The following CADM2 variants were observed in gnomAD, a reference collection of about 807,000 sequenced individuals.
CADM2 encodes immunoglobulin superfamily member 4D.
A neutral mutation model predicts 49.8 loss-of-function variants in CADM2; 12 were observed. That is an observed-to-expected ratio of 0.24 (90% confidence interval 0.15 to 0.39). The LOEUF (loss-of-function observed/expected upper bound fraction) is 0.39, where lower values mean the gene tolerates loss of function less well. Among genes scored for constraint, CADM2 ranks in the 10% least tolerant of loss-of-function variants. The pLI is 1.00. For missense variants in CADM2, 378 were observed against 492.3 expected (o/e 0.77, Z 2.20); for synonymous variants, 214 against 175.4 (o/e 1.22, Z -1.74).
chr3:85,687,545 A>T (rs1290183462), intron 1 of CADM2, among the ~76,000 whole-genome samples: 1 of 152,198 alleles, frequency 6.6e-6, no homozygotes, highest in Non-Finnish European at 1.5e-5. Flanking sequence ...AAAATAAAAG[A>T]CATTAGGAAT....
At chr3:85,156,712 A>G (rs1286332410) in intron 1 of CADM2, among the ~76,000 whole-genome samples, 1 of 152,226 alleles carries the variant, frequency 6.6e-6, no homozygotes, top group Non-Finnish European at 1.5e-5. Flanking sequence ...GCTATCTATG[A>G]CAAACCCACA....
chr3:85,657,759 CAG>C (rs1260280325), intron 1 of CADM2, among the ~76,000 whole-genome samples: 1 of 98,362 alleles, frequency 1.0e-5, no homozygotes, highest in African/African-American at 3.5e-5. Flanking sequence ...TATATATACA[CAG>C]ATATATATAT....
At chr3:85,114,879 G>T (rs1468648161) in intron 1 of CADM2, among the ~76,000 whole-genome samples, 1 of 152,052 alleles carries the variant, frequency 6.6e-6, no homozygotes, top group East Asian at 1.9e-4. Flanking sequence ...TAAAGGGAAA[G>T]GATTAAGGGA....
chr3:86,017,616 C>G (rs539502867), intron 8 of CADM2, among the ~76,000 whole-genome samples: 3 of 151,430 alleles, frequency 2.0e-5, no homozygotes, highest in Non-Finnish European at 4.4e-5. Context: ...GTAGTCTCAG[C>G]TCTTCAGGAA....
chr3:85,895,838 G>A (rs969956128), intron 5 of CADM2, among the ~76,000 whole-genome samples: 1 of 152,116 alleles, frequency 6.6e-6, no homozygotes, highest in African/African-American at 2.4e-5. Flanking sequence ...CTGCCATGAG[G>A]CCTCCCCAGC....
intron 1 of CADM2, among the ~76,000 whole-genome samples, chr3:85,027,999 A>G (rs894593695): frequency 6.6e-6 from 1 of 152,082 alleles, no homozygotes; most frequent in Non-Finnish European, 1.5e-5. Context: ...TCATTTTGCT[A>G]TTACACTATT....
At chr3:85,099,298 A>G (rs1297292735) in intron 1 of CADM2, among the ~76,000 whole-genome samples, 1 of 152,166 alleles carries the variant, frequency 6.6e-6, no homozygotes. Flanking sequence ...CTCAAAGTCC[A>G]ATAACATAAC....
intron 2 of CADM2, among the ~76,000 whole-genome samples, chr3:85,750,606 TA>T (rs1420387246): frequency 6.6e-6 from 1 of 152,132 alleles, no homozygotes; most frequent in Non-Finnish European, 1.5e-5. Context: ...AATATTTTAT[TA>T]TTTCCCTTTC....
intron 1 of CADM2, among the ~76,000 whole-genome samples, chr3:85,533,191 G>T (rs1373616671): frequency 2.0e-5 from 3 of 152,134 alleles, no homozygotes; most frequent in Non-Finnish European, 4.4e-5. Flanking sequence ...CACTGAAGCT[G>T]GTTCTTTGTG....
At chr3:85,383,503 C>CCTAT (rs2034018505) in intron 1 of CADM2, among the ~76,000 whole-genome samples, 1 of 109,248 alleles carries the variant, frequency 9.2e-6, no homozygotes, top group Non-Finnish European at 1.9e-5. Flanking sequence ...TACATAAAAC[C>CCTAT]ATATATATAT....
chr3:85,414,106 AC>A (rs1288671921), intron 1 of CADM2, among the ~76,000 whole-genome samples: 4 of 151,798 alleles, frequency 2.6e-5, no homozygotes, highest in Non-Finnish European at 5.9e-5. Flanking sequence ...CTTGTAATCC[AC>A]CCGCCTCAGT....
rs377641492 is a variant in CADM2, at chr3:85,428,049, G to A, written c.62-298473G>A. 6.7e-4 allele frequency among the ~76,000 whole-genome samples: 101 copies of A among 151,856 alleles called. 1 individual carries two copies. The highest frequency in any genetic ancestry group is 2.3e-3 in the African/African-American group (96 of 41,488). On this transcript the variant is annotated intron_variant, in intron 1 of 9. Transcript: ENST00000383699. Reference sequence around the variant, plus strand: ...TTATTCCTCTTGTTATTCTCTTAGTGCTGTTCCATAAATGACTACTAAGTC... The same window carrying A: ...TTATTCCTCTTGTTATTCTCTTAGTACTGTTCCATAAATGACTACTAAGTC...
intron 1 of CADM2, among the ~76,000 whole-genome samples, chr3:85,334,006 C>T (rs1377132690): frequency 1.3e-5 from 2 of 151,478 alleles, no homozygotes; most frequent in African/African-American, 4.8e-5. Flanking sequence ...AAAATTTGAC[C>T]TTTATTTCCC....
At chr3:85,160,219 A>G (rs1011282923) in intron 1 of CADM2, among the ~76,000 whole-genome samples, 1 of 152,162 alleles carries the variant, frequency 6.6e-6, no homozygotes, top group Non-Finnish European at 1.5e-5. Flanking sequence ...CTGTTGTCAA[A>G]TACATCAACC....
intron 2 of CADM2, among the ~76,000 whole-genome samples, chr3:85,769,148 CATATAT>C (rs1416256704): frequency 0.034 from 2,240 of 66,844 alleles, 268 homozygotes; most frequent in African/African-American, 0.094. Flanking sequence ...TATATATACA[CATATAT>C]ACATATATAG....
chr3:85,318,171 G>GAA (rs200046309), intron 1 of CADM2, among the ~76,000 whole-genome samples: 36 of 118,198 alleles, frequency 3.0e-4, no homozygotes, highest in Non-Finnish European at 3.0e-4. Flanking sequence ...CCCTGTCTCA[G>GAA]AAAAAAAAAA....
In CADM2 at chr3:85,334,552, C is replaced by T. The variant is rs1373642840; in HGVS notation, c.61+374884C>T. 1.3e-5 allele frequency among the ~76,000 whole-genome samples: 2 copies of T among 151,544 alleles called. 1 individual carries two copies. Among genetic ancestry groups the T allele is most frequent in the Non-Finnish European group, 3.0e-5 (2 of 67,608 alleles). ...GTTCAACAATGACTGATAGTATACA[C>T]ATATATTAATGGGTAATCAACTTGA... On this transcript the variant is annotated intron_variant, in intron 1 of 9. Coordinates refer to ENST00000383699, the MANE Select transcript of CADM2 (RefSeq NM_001167675.2).
chr3:85,793,587 T>G (rs2071459646), intron 2 of CADM2, among the ~76,000 whole-genome samples: 1 of 152,166 alleles, frequency 6.6e-6, no homozygotes, highest in African/African-American at 2.4e-5. Context: ...ACACCCTCTG[T>G]GGTCAGTTTC....
At chr3:85,256,065 G>T (rs1173967456) in intron 1 of CADM2, among the ~76,000 whole-genome samples, 1 of 151,874 alleles carries the variant, frequency 6.6e-6, no homozygotes, top group East Asian at 1.9e-4. Context: ...TGTGTTTTCA[G>T]CCTGGTTCCT....
Sources: gnomAD v4.1 joint callset for allele counts (sites outside exome capture counted in the v4.1 genomes callset) on GRCh38, gnomAD v4.1.1 for gene constraint, MANE v1.5 for transcripts, NCBI Gene and HGNC (gene_info 2026-07-23, HGNC 2026-07-21) for gene names.